The following CAMKMT variants were observed in gnomAD, a reference collection of about 807,000 sequenced individuals.
The protein encoded by CAMKMT is CaM KMT.
CAMKMT carries 53 observed loss-of-function variants against 48.0 expected under a neutral mutation model. The ratio of observed to expected loss-of-function variants is 1.10; its 90% confidence interval spans 0.89 to 1.39. The LOEUF (loss-of-function observed/expected upper bound fraction) is 1.39, where lower values mean the gene tolerates loss of function less well. Ranked by LOEUF, CAMKMT falls within the 40% of genes most tolerant of loss-of-function variation. The probability of loss-of-function intolerance (pLI) is 0.00; values close to 1 mark genes in which losing one functional copy is unlikely to be tolerated. For missense variants in CAMKMT, 428 were observed against 402.7 expected, an observed-to-expected ratio of 1.06 and a Z score of -0.54; for synonymous variants, 165 against 152.3, an observed-to-expected ratio of 1.08 and a Z score of -0.61.
chr2:44,498,476 G>A (rs182995296), intron 3 of CAMKMT, among the ~76,000 whole-genome samples: 10 of 152,324 alleles, frequency 6.6e-5, no homozygotes, highest in East Asian at 5.8e-4. Flanking sequence ...AGGTTAAGAT[G>A]TATGTAGCTA....
At chr2:44,374,046 C>T (rs1353933133) in intron 2 of CAMKMT, among the ~76,000 whole-genome samples, 1 of 145,730 alleles carries the variant, frequency 6.9e-6, no homozygotes, top group African/African-American at 2.6e-5. Flanking sequence ...ATTGATTGAG[C>T]CCGGGAGGTT....
chr2:44,550,034 G>A (rs1667622370), intron 3 of CAMKMT, among the ~76,000 whole-genome samples: 1 of 152,298 alleles, frequency 6.6e-6, no homozygotes, highest in Middle Eastern at 3.4e-3. Context: ...GAATGTGTGT[G>A]TAGTCATATT....
intron 7 of CAMKMT, among the ~76,000 whole-genome samples, chr2:44,725,478 A>G (rs1178855283): frequency 6.6e-6 from 1 of 152,180 alleles, no homozygotes; most frequent in Non-Finnish European, 1.5e-5. Context: ...ACCAAGTTAC[A>G]AGACAGAGTC....
At chr2:44,535,454 A>AAT (rs761183713) in intron 3 of CAMKMT, among the ~76,000 whole-genome samples, 2 of 152,232 alleles carry the variant, frequency 1.3e-5, no homozygotes, top group Non-Finnish European at 2.9e-5. Flanking sequence ...ACTACAGGCC[A>AAT]ATATTTCTGA....
intron 3 of CAMKMT, among the ~76,000 whole-genome samples, chr2:44,624,627 T>A (rs1290818101): frequency 2.0e-5 from 3 of 152,218 alleles, no homozygotes; most frequent in African/African-American, 7.2e-5. Context: ...GGTTTCCAGC[T>A]TCATCCATGT....
chr2:44,622,034 C>A (rs1295483212), intron 3 of CAMKMT, among the ~76,000 whole-genome samples: 1 of 152,114 alleles, frequency 6.6e-6, no homozygotes, highest in Non-Finnish European at 1.5e-5. Flanking sequence ...AGTATAACTT[C>A]TAAATTATTG....
intron 3 of CAMKMT, among the ~76,000 whole-genome samples, chr2:44,511,646 C>G (rs181735565): frequency 6.6e-6 from 1 of 152,278 alleles, no homozygotes; most frequent in Admixed American, 6.5e-5. Context: ...TTAATCGTTA[C>G]ATTGGACTTT....
intron 3 of CAMKMT, among the ~76,000 whole-genome samples, chr2:44,692,583 G>A (rs1025006052): frequency 1.3e-5 from 2 of 152,186 alleles, no homozygotes; most frequent in African/African-American, 4.8e-5. Flanking sequence ...TTCTAGAACA[G>A]GCCTGGCTGC....
At chr2:44,584,873 T>C (rs1291028444) in intron 3 of CAMKMT, among the ~76,000 whole-genome samples, 2 of 151,984 alleles carry the variant, frequency 1.3e-5, no homozygotes, top group African/African-American at 2.4e-5. Flanking sequence ...GCTAACGTGG[T>C]GAAACCCTGT....
In CAMKMT at chr2:44,641,595, T is replaced by C. The variant is rs112018723; in HGVS notation, c.377-62688T>C. On this transcript the variant is annotated intron_variant, in intron 3 of 10. Transcript: ENST00000378494. Reference sequence around the variant, plus strand: ...AATTTTGAGACAGGGTCTCACTCTGTCACCCAGGCTGGAGTGCAGTGGTAT... The same window carrying C: ...AATTTTGAGACAGGGTCTCACTCTGCCACCCAGGCTGGAGTGCAGTGGTAT... Among the ~76,000 whole-genome samples the C allele has an allele frequency of 1.3e-3, 204 of 152,174 alleles. 2 individuals are homozygous for C. The highest frequency in any genetic ancestry group is 4.6e-3 in the African/African-American group (191 of 41,512).
At chr2:44,571,855 A>G (rs1416722257) in intron 3 of CAMKMT, among the ~76,000 whole-genome samples, 1 of 152,152 alleles carries the variant, frequency 6.6e-6, no homozygotes, top group African/African-American at 2.4e-5. Flanking sequence ...AACAAATAAC[A>G]GTTATTACTT....
chr2:44,443,873 G>A (rs1666823689), intron 3 of CAMKMT, among the ~76,000 whole-genome samples: 1 of 152,134 alleles, frequency 6.6e-6, no homozygotes, highest in Non-Finnish European at 1.5e-5. Flanking sequence ...GCTGCCTAGT[G>A]GGCTTAAAGT....
At position 44,373,098 on chromosome 2, in the gene CAMKMT, T is replaced by C. The variant is rs564807804; in HGVS notation, c.311+210T>C. Among the ~76,000 whole-genome samples, 21 of 152,318 alleles carry C rather than the reference T, an allele frequency of 1.4e-4. No homozygotes were observed. The East Asian group carries it at 3.5e-3, about 25-fold the overall frequency. ...TAAAGGAAACAAGTTCTCACAAATATAGTGGCATTTGAAGATAAGGTGGTT... is the reference window on the plus strand; with the variant it reads ...TAAAGGAAACAAGTTCTCACAAATACAGTGGCATTTGAAGATAAGGTGGTT... On this transcript the variant is annotated intron_variant, in intron 2 of 10. Transcript: ENST00000378494.
At chr2:44,651,266 G>C (rs931490603) in intron 3 of CAMKMT, among the ~76,000 whole-genome samples, 5 of 152,220 alleles carry the variant, frequency 3.3e-5, no homozygotes, top group Admixed American at 3.3e-4. Flanking sequence ...AAACTTGGGA[G>C]CAATCTAGTT....
At chr2:44,503,571 A>C (rs1572664506) in intron 3 of CAMKMT, among the ~76,000 whole-genome samples, 1 of 152,132 alleles carries the variant, frequency 6.6e-6, no homozygotes, top group Non-Finnish European at 1.5e-5. Flanking sequence ...TTGAGATGAA[A>C]ATTTTCAAAT....
intron 3 of CAMKMT, among the ~76,000 whole-genome samples, chr2:44,573,745 A>C (rs1438302769): frequency 6.6e-6 from 1 of 152,120 alleles, no homozygotes; most frequent in Non-Finnish European, 1.5e-5. Context: ...TTTGTGTATG[A>C]TGTGAGGTAA....
chr2:44,366,221 G>A (rs900170152), intron 1 of CAMKMT, among the ~76,000 whole-genome samples: 1 of 152,120 alleles, frequency 6.6e-6, no homozygotes, highest in Non-Finnish European at 1.5e-5. Context: ...AATTTAATTT[G>A]TTATTTTGAA....
chr2:44,451,294 G>C lies in CAMKMT; in HGVS notation c.376+60989G>C, dbSNP rs186202856. Reference sequence around the variant, plus strand: ...TTGTTTCTCATGTACATGTATTACAGTAGACAAAGTGTTGAATAGTTTTCA... The same window carrying C: ...TTGTTTCTCATGTACATGTATTACACTAGACAAAGTGTTGAATAGTTTTCA... On this transcript the variant is annotated intron_variant, in intron 3 of 10. Transcript: ENST00000378494. Among the ~76,000 whole-genome samples, 33 of 152,140 alleles carry C rather than the reference G, an allele frequency of 2.2e-4. 1 individual carries two copies. In the East Asian group the frequency reaches 6.4e-3, roughly 29 times the overall value.
intron 3 of CAMKMT, chr2:44,631,807 TA>T: frequency 3.3e-6 from 1 of 306,054 alleles, no homozygotes; most frequent in South Asian, 1.5e-4. Flanking sequence ...TCTTTTGTAT[TA>T]TTTTTTATTA....
Sources: allele counts gnomAD v4.1 joint callset (sites outside exome capture counted in the v4.1 genomes callset), GRCh38; gene constraint gnomAD v4.1.1; transcripts MANE v1.5; gene names NCBI Gene and HGNC (gene_info 2026-07-23, HGNC 2026-07-21).